Variants in CDKL5 observed in about 807,000 individuals in gnomAD.
CDKL5 encodes cyclin-dependent kinase-like 5.
In CDKL5, 8 loss-of-function variants were observed where a neutral mutation model predicts 61.7. That is an observed-to-expected ratio of 0.13 (90% CI 0.08 to 0.23). The LOEUF (loss-of-function observed/expected upper bound fraction) is 0.23. Among genes scored for constraint, CDKL5 ranks in the 10% least tolerant of loss-of-function variants. CDKL5 has a pLI of 1.00. For synonymous variants in CDKL5, 275 were observed against 272.3 expected (o/e 1.01, Z -0.10); for missense variants, 440 against 734.5 (o/e 0.60, Z 4.63).
At chrX:18,583,406 C>T (rs192523737) in intron 7 of CDKL5, among the ~76,000 whole-genome samples, 1 of 111,774 alleles carries the variant, frequency 8.9e-6, no homozygotes, top group African/African-American at 3.2e-5. Flanking sequence ...TTCTTCAAAG[C>T]GTGTCTTATG....
rs2147178868 is a variant in CDKL5, at chrX:18,628,379, A to G, written c.2505A>G (p.Pro835=). 2.5e-6 allele frequency: 3 copies of G among 1,211,226 alleles called. No individual in the cohort carries two copies. Among genetic ancestry groups the G allele is most frequent in the Non-Finnish European group, 3.4e-6 (3 of 894,961 alleles). Residue 835 remains proline (P), a synonymous_variant, in exon 18 of 18, where the codon CCA becomes CCG. Coordinates refer to ENST00000623535, the MANE Select transcript of CDKL5 (RefSeq NM_001323289.2). ...CTCATCCTTTCTTTCAGAGCCAGCC[A>G]TTAAAATCACTGCGCAAGTTGTTAC... The part of the protein sequence containing the change: ...KISDLQTQSQ[P]LKSLRKLLHL...
intron 1 of CDKL5, among the ~76,000 whole-genome samples, chrX:18,428,338 C>CTGAGAAATTGGCTG (rs1411700596): frequency 1.2e-4 from 14 of 112,227 alleles, no homozygotes; most frequent in African/African-American, 4.2e-4. Context: ...TTAGCTTTAT[C>CTGAGAAATTGGCTG]TGAGAAATTG....
intron 1 of CDKL5, chrX:18,426,051 GCA>G (rs1931358512): frequency 8.9e-6 from 1 of 112,486 alleles, no homozygotes; most frequent in African/African-American, 3.2e-5. Context: ...CGCTCCCGCG[GCA>G]CGAGCTCCCC....
chrX:18,510,652 A>C (rs1021887243), intron 2 of CDKL5, among the ~76,000 whole-genome samples, 168 bp from the exon 3 acceptor site: 6 of 112,335 alleles, frequency 5.3e-5, no homozygotes, highest in African/African-American at 1.9e-4. Flanking sequence ...ATTTATAATA[A>C]ATGTATAATA....
At chrX:18,523,114 T>C (rs1923312550) in intron 3 of CDKL5, among the ~76,000 whole-genome samples, 1 of 111,743 alleles carries the variant, frequency 8.9e-6, no homozygotes, top group Non-Finnish European at 1.9e-5. Flanking sequence ...TTTTTTTTTA[T>C]TGTGGTAAAA....
At chrX:18,479,561 C>A (rs556635365) in intron 1 of CDKL5, among the ~76,000 whole-genome samples, 28 of 109,285 alleles carry the variant, frequency 2.6e-4, no homozygotes, top group African/African-American at 8.7e-4. Flanking sequence ...CCTTGTGTTC[C>A]GCCCACCTCG....
At chrX:18,590,773 T>C (rs957518869) in intron 9 of CDKL5, among the ~76,000 whole-genome samples, 1 of 112,060 alleles carries the variant, frequency 8.9e-6, no homozygotes, top group African/African-American at 3.2e-5. Context: ...GTTGGAAATA[T>C]GACAATAAAT....
rs1177441010 is a variant in CDKL5 at position 18,632,267 on chromosome X, T to G, written c.*3510T>G. On this transcript the variant is annotated 3_prime_UTR_variant, in exon 18 of 18. Transcript: ENST00000623535. ...ATCCTATTGTTCGTTTCCATTGTCT[T>G]GGGCCTGCTAAAAGGTGCATACTTT... 22 of 754,330 alleles carry G rather than the reference T, an allele frequency of 2.9e-5. No individual in the cohort carries two copies. Among genetic ancestry groups the G allele is most frequent in the Non-Finnish European group, 3.3e-5 (21 of 639,125 alleles). The allele number at this position is 754,330 out of a possible 1,213,427, so 62.2% of individuals were successfully genotyped here.
intron 9 of CDKL5, among the ~76,000 whole-genome samples, chrX:18,594,997 G>A (rs752963062): frequency 5.4e-5 from 6 of 111,476 alleles, no homozygotes; most frequent in African/African-American, 2.0e-4. Context: ...CCTGGCCAAT[G>A]TAGTGAAACC....
rs139329419 is a variant in CDKL5, at chrX:18,604,262, A to T, written c.1338A>T (p.Ser446=). The T allele has an allele frequency of 5.1e-5, 62 of 1,210,444 alleles. No individual in the cohort carries two copies. In the African/African-American group the frequency reaches 9.9e-4, roughly 19 times the overall value. The change falls in exon 12 of 18, where the codon TCA becomes TCT. Residue 446 remains serine, a synonymous_variant. Coordinates refer to ENST00000623535, the MANE Select transcript of CDKL5 (RefSeq NM_001323289.2). ...GCAGATCTCAGCAGAACCGCCACTC[A>T]TTCATGGAAAGCTCTCAAAGCAAAG... The part of the protein sequence containing the change: ...SNSRSQQNRH[S]FMESSQSKAG...
intron 3 of CDKL5, among the ~76,000 whole-genome samples, chrX:18,546,258 CTTTTTTTTTTTT>C (rs935420091): frequency 6.6e-5 from 6 of 90,524 alleles, no homozygotes; most frequent in Non-Finnish European, 1.1e-4. Context: ...TCTACTTCTT[CTTTTTTTTTTTT>C]TTTTTTTTGA....
intron 5 of CDKL5, among the ~76,000 whole-genome samples, chrX:18,577,027 G>A (rs1453614855): frequency 1.8e-5 from 2 of 110,472 alleles, no homozygotes; most frequent in Non-Finnish European, 3.8e-5. Flanking sequence ...CTCCTGAGTC[G>A]CTAGGACTAC....
rs770691025 is a variant in CDKL5 at position 18,581,117 on chromosome X, T to C, written c.404-774T>C. ...TGCATAGTGAATCATTGGTTGCAAA[T>C]TAATGGTAGAAACCATGATTTGAAA... On this transcript the variant is annotated intron_variant, in intron 6 of 17. Coordinates refer to ENST00000623535, the MANE Select transcript of CDKL5 (RefSeq NM_001323289.2). Among the ~76,000 whole-genome samples, 7 of 111,819 alleles carry C rather than the reference T, an allele frequency of 6.3e-5. No homozygotes were observed. The South Asian group carries it at 2.6e-3, about 42-fold the overall frequency.
At chrX:18,616,477 T>C in intron 15 of CDKL5, among the ~76,000 whole-genome samples, 1 of 109,432 alleles carries the variant, frequency 9.1e-6, no homozygotes, top group Non-Finnish European at 1.9e-5. Context: ...AATACAAAAT[T>C]AGCTGGGCAT....
At chrX:18,451,688 C>T (rs974966189) in intron 1 of CDKL5, among the ~76,000 whole-genome samples, 7 of 110,969 alleles carry the variant, frequency 6.3e-5, no homozygotes, top group Non-Finnish European at 1.3e-4. Context: ...CAGGTGTGCG[C>T]CACCATGTCC....
At chrX:18,600,226 A>G (rs1926136543) in intron 11 of CDKL5, among the ~76,000 whole-genome samples, 1 of 111,897 alleles carries the variant, frequency 8.9e-6, no homozygotes, top group African/African-American at 3.3e-5. Context: ...GTGATAGTAT[A>G]ATTGTGTTTT....
chrX:18,549,835 A>G (rs897137764), intron 3 of CDKL5, among the ~76,000 whole-genome samples: 2 of 111,622 alleles, frequency 1.8e-5, no homozygotes, highest in Admixed American at 1.9e-4. Flanking sequence ...CCCCTCTTGT[A>G]ACTCAGGGAA....
At chrX:18,489,223 A>T (rs1269840831) in intron 1 of CDKL5, among the ~76,000 whole-genome samples, 2 of 110,954 alleles carry the variant, frequency 1.8e-5, no homozygotes, top group African/African-American at 3.3e-5. Context: ...GGTTCAAGCA[A>T]TTCTCGTGGT....
intron 1 of CDKL5, among the ~76,000 whole-genome samples, chrX:18,476,869 C>T (rs149846352): frequency 1.7e-3 from 192 of 110,933 alleles, no homozygotes; most frequent in East Asian, 0.011. Context: ...CGGGTTCAAG[C>T]GATTCTCCTG....
Sources: gnomAD v4.1 joint callset for allele counts (sites outside exome capture counted in the v4.1 genomes callset) on GRCh38, gnomAD v4.1.1 for gene constraint, MANE v1.5 for transcripts, NCBI Gene and HGNC (gene_info 2026-07-23, HGNC 2026-07-21) for gene names.